SYT1: variants seen among roughly 807,000 people sequenced by gnomAD.
SYT1 encodes the protein synaptotagmin 1.
In SYT1, 8 loss-of-function variants were observed where a neutral mutation model predicts 44.8. The observed-to-expected ratio is 0.18, with a 90% CI of 0.10 to 0.32. The LOEUF (loss-of-function observed/expected upper bound fraction) is 0.32, where lower values mean the gene tolerates loss of function less well. Ranked by LOEUF, SYT1 falls within the 10% of genes least tolerant of loss-of-function variation. The pLI, the probability that SYT1 is intolerant of heterozygous loss-of-function variation, is 1.00. For synonymous variants in SYT1, 154 were observed against 188.8 expected (o/e 0.82, Z 1.51); for missense variants, 286 against 509.3 (o/e 0.56, Z 4.22).
chr12:78,949,175 AT>A (rs914704657), intron 1 of SYT1, among the ~76,000 whole-genome samples: 4 of 151,578 alleles, frequency 2.6e-5, no homozygotes, highest in African/African-American at 9.7e-5. Context: ...GAGAACACAT[AT>A]TTTTTGAACC....
intron 1 of SYT1, among the ~76,000 whole-genome samples, chr12:78,961,126 G>A (rs1879479021): frequency 6.6e-6 from 1 of 150,820 alleles, no homozygotes; most frequent in Non-Finnish European, 1.5e-5. Context: ...TTTTTTTTTA[G>A]AAAAAGTTTC....
At chr12:79,127,815 C>T (rs1868535253) in intron 3 of SYT1, among the ~76,000 whole-genome samples, 2 of 152,198 alleles carry the variant, frequency 1.3e-5, no homozygotes, top group South Asian at 4.1e-4. Flanking sequence ...AGGGGACCTT[C>T]TTTAGGAATG....
At chr12:79,207,582 T>A (rs1874201327) in intron 3 of SYT1, among the ~76,000 whole-genome samples, 1 of 152,186 alleles carries the variant, frequency 6.6e-6, no homozygotes, top group South Asian at 2.1e-4. Context: ...GTACTCATTG[T>A]TCAGCTCCCA....
At chr12:79,334,505 T>C (rs756261581) in intron 8 of SYT1, among the ~76,000 whole-genome samples, 12 of 151,998 alleles carry the variant, frequency 7.9e-5, no homozygotes, top group Admixed American at 6.6e-5. Context: ...GAGAAATAAG[T>C]AGGAGACCAG....
chr12:79,066,523 A>C (rs916997633), intron 3 of SYT1, among the ~76,000 whole-genome samples: 39 of 152,168 alleles, frequency 2.6e-4, no homozygotes, highest in Non-Finnish European at 2.9e-5. Context: ...CATGGAGGCC[A>C]TATCATCATC....
chr12:79,135,615 C>T (rs1869138470), intron 3 of SYT1, among the ~76,000 whole-genome samples: 1 of 152,084 alleles, frequency 6.6e-6, no homozygotes, highest in Admixed American at 6.5e-5. Context: ...CTTTTGGATA[C>T]TTGTAAAGTA....
At chr12:79,356,498 A>G (rs1883118366) in intron 9 of SYT1, among the ~76,000 whole-genome samples, 1 of 152,160 alleles carries the variant, frequency 6.6e-6, no homozygotes, top group Admixed American at 6.5e-5. Context: ...AATGTGTCTA[A>G]CCCACTTACC....
At chr12:79,052,409 G>A (rs1261310244) in intron 3 of SYT1, among the ~76,000 whole-genome samples, 1 of 152,130 alleles carries the variant, frequency 6.6e-6, no homozygotes, top group Admixed American at 6.6e-5. Context: ...AACCCTAGAA[G>A]AAAACCTAGA....
At chr12:79,169,697 CT>C (rs1189606649) in intron 3 of SYT1, among the ~76,000 whole-genome samples, 31 of 150,908 alleles carry the variant, frequency 2.1e-4, no homozygotes, top group African/African-American at 6.6e-4. Context: ...ATGAGTAGAG[CT>C]TTTTTTTTAA....
chr12:79,399,639 T>C (rs987619798), intron 9 of SYT1, among the ~76,000 whole-genome samples: 1 of 152,180 alleles, frequency 6.6e-6, no homozygotes, highest in East Asian at 1.9e-4. Context: ...CACCTTTTAA[T>C]ATACAAATAA....
At chr12:79,301,365 A>C (rs1880143250) in intron 8 of SYT1, among the ~76,000 whole-genome samples, 1 of 152,140 alleles carries the variant, frequency 6.6e-6, no homozygotes, top group Non-Finnish European at 1.5e-5. Context: ...GGGAATGTGG[A>C]CCATTGAGCA....
chr12:79,409,279 CA>C (rs1415073713), intron 9 of SYT1, among the ~76,000 whole-genome samples: 3 of 151,976 alleles, frequency 2.0e-5, no homozygotes, highest in African/African-American at 7.2e-5. Context: ...TAATCTTAAC[CA>C]ATTTCACTTG....
At chr12:78,927,681 T>C (rs1334074689) in intron 1 of SYT1, among the ~76,000 whole-genome samples, 7 of 152,162 alleles carry the variant, frequency 4.6e-5, no homozygotes, top group Admixed American at 2.0e-4. Context: ...GGAAAAAATA[T>C]ATTAGCTTTT....
rs1042432362 is a variant in SYT1 at position 79,106,304 on chromosome 12, A to T, written c.-18+58942A>T. ...CCTAAGGTCCAAGTATAGTTCACTAACAAGACTAGAAGAATGAGTTTATGA... is the reference window on the plus strand; with the variant it reads ...CCTAAGGTCCAAGTATAGTTCACTATCAAGACTAGAAGAATGAGTTTATGA... On this transcript the variant is annotated intron_variant, in intron 3 of 10. Transcript: ENST00000261205. Among the ~76,000 whole-genome samples, 6 of 152,356 alleles carry T rather than the reference A, an allele frequency of 3.9e-5. No individual in the cohort carries two copies. The East Asian group carries it at 1.2e-3, about 29-fold the overall frequency.
chr12:78,911,415 G>A (rs1250770872), intron 1 of SYT1, among the ~76,000 whole-genome samples: 2 of 151,884 alleles, frequency 1.3e-5, no homozygotes, highest in Non-Finnish European at 2.9e-5. Context: ...AAAATGGAGA[G>A]CCTAAGACTG....
chr12:79,164,781 A>C (rs1026766637), intron 3 of SYT1, among the ~76,000 whole-genome samples: 2 of 152,084 alleles, frequency 1.3e-5, no homozygotes, highest in Admixed American at 1.3e-4. Flanking sequence ...AGAAATATCC[A>C]GCTTTTACAT....
Position 79,088,330 on chromosome 12 carries a change from GTC to G in SYT1, c.-18+40970_-18+40971del, listed in dbSNP as rs368648225. On this transcript the variant is annotated intron_variant, in intron 3 of 10. Transcript: ENST00000261205. ...CCCTTCGGAAGGTTCAATAATTTGA[GTC>G]TGTAAAACAAACTGACAATAGACAG... 8.5e-4 allele frequency among the ~76,000 whole-genome samples: 129 copies of G among 152,200 alleles called. 1 individual carries two copies. Among genetic ancestry groups the G allele is most frequent in the African/African-American group, 3.0e-3 (126 of 41,558 alleles).
In SYT1 at chr12:79,171,279, G is replaced by A. The variant is rs151307586; in HGVS notation, c.-17-46224G>A. Among the ~76,000 whole-genome samples, 180 of 152,114 alleles carry A rather than the reference G, an allele frequency of 1.2e-3. 2 individuals are homozygous for A. The highest frequency in any genetic ancestry group is 4.0e-3 in the African/African-American group (167 of 41,524). The stretch of plus-strand genomic sequence containing the variant: ...TAGCATTGAATCTACGAATTACTTT[G>A]GATAGTATAGCCATTTTCATGATAT... On this transcript the variant is annotated intron_variant, in intron 3 of 10. Transcript: ENST00000261205.
chr12:79,421,390 G>C (rs1433560249), intron 9 of SYT1, among the ~76,000 whole-genome samples: 1 of 152,100 alleles, frequency 6.6e-6, no homozygotes, highest in African/African-American at 2.4e-5. Flanking sequence ...CATTTAGAGA[G>C]TCTGTGCTTC....
Sources: allele counts gnomAD v4.1 joint callset (sites outside exome capture counted in the v4.1 genomes callset), GRCh38; gene constraint gnomAD v4.1.1; transcripts MANE v1.5; gene names NCBI Gene and HGNC (gene_info 2026-07-23, HGNC 2026-07-21).